XKR6: variants seen among roughly 807,000 people sequenced by gnomAD.
The protein encoded by XKR6 is XK related 6, also known as XK-related protein 6.
XKR6 carries 22 observed loss-of-function variants against 56.7 expected under a neutral mutation model. The observed-to-expected ratio is 0.39, with a 90% CI of 0.28 to 0.55. The LOEUF (loss-of-function observed/expected upper bound fraction) is 0.55. XKR6 is among the 20% of genes least tolerant of loss of function. The pLI is 0.66. For missense variants in XKR6, 852 were observed against 889.0 expected, an observed-to-expected ratio of 0.96 and a Z score of 0.53; for synonymous variants, 524 against 387.8, an observed-to-expected ratio of 1.35 and a Z score of -4.13.
At chr8:11,183,529 C>T (rs1563201709) in intron 1 of XKR6, among the ~76,000 whole-genome samples, 1 of 151,700 alleles carries the variant, frequency 6.6e-6, no homozygotes, top group African/African-American at 2.4e-5. Context: ...CCATGCTGGG[C>T]TCAAGCTGGT....
chr8:10,959,640 C>A (rs1164549131), intron 1 of XKR6, among the ~76,000 whole-genome samples: 1 of 152,140 alleles, frequency 6.6e-6, no homozygotes, highest in African/African-American at 2.4e-5. Flanking sequence ...GAGGCCCCAC[C>A]TTCATGACCT....
intron 1 of XKR6, among the ~76,000 whole-genome samples, chr8:10,978,090 G>A (rs528376661): frequency 1.3e-5 from 2 of 152,016 alleles, no homozygotes; most frequent in Admixed American, 1.3e-4. Context: ...AAAGCAACTG[G>A]CCTCTATTTC....
rs146513858 is a variant in XKR6 at position 11,175,186 on chromosome 8, C to A, written c.764+25390G>T. On this transcript the variant is annotated intron_variant, in intron 1 of 2. Coordinates refer to ENST00000416569, the MANE Select transcript of XKR6 (RefSeq NM_173683.4). Reference sequence around the variant, plus strand: ...GCATATATGAAAAGCCACCAGGTAACTGAAAGATGTCACTTTACAGAAATG... The same window carrying A: ...GCATATATGAAAAGCCACCAGGTAAATGAAAGATGTCACTTTACAGAAATG... 118 of 152,802 alleles carry A rather than the reference C, an allele frequency of 7.7e-4. 1 individual carries two copies. The Middle Eastern group carries it at 0.01, about 13-fold the overall frequency. The allele number at this position is 152,802 out of a possible 1,614,324, so 9.5% of individuals were successfully genotyped here.
At chr8:11,104,910 G>C (rs1417041121) in intron 1 of XKR6, 4 of 152,188 alleles carry the variant, frequency 2.6e-5, no homozygotes, top group East Asian at 1.9e-4. Flanking sequence ...ACTTTTGGAA[G>C]TCTGTTCGAG....
intron 1 of XKR6, among the ~76,000 whole-genome samples, chr8:11,107,171 C>A (rs963083122): frequency 4.6e-5 from 7 of 150,854 alleles, no homozygotes; most frequent in African/African-American, 1.7e-4. Flanking sequence ...CAAAGAAAAG[C>A]AACACGGATA....
chr8:11,197,196 A>C (rs1044614513), intron 1 of XKR6, among the ~76,000 whole-genome samples: 5 of 152,236 alleles, frequency 3.3e-5, no homozygotes, highest in African/African-American at 1.2e-4. Flanking sequence ...AGTTAAGTAA[A>C]TTCCTTTTAC....
intron 1 of XKR6, among the ~76,000 whole-genome samples, chr8:11,008,778 T>C (rs1400282134): frequency 1.3e-5 from 2 of 152,058 alleles, no homozygotes; most frequent in East Asian, 3.9e-4. Flanking sequence ...CCAGGAGCCC[T>C]GATGGAGCCA....
At chr8:11,192,355 T>G (rs1563208743) in intron 1 of XKR6, among the ~76,000 whole-genome samples, 1 of 152,086 alleles carries the variant, frequency 6.6e-6, no homozygotes, top group African/African-American at 2.4e-5. Context: ...GACACCATGT[T>G]AGCCAGGATG....
At chr8:11,035,988 G>C (rs1799133659) in intron 1 of XKR6, among the ~76,000 whole-genome samples, 1 of 137,686 alleles carries the variant, frequency 7.3e-6, no homozygotes, top group Admixed American at 8.7e-5. Context: ...CTGTCACCTA[G>C]GCAGGAGTGC....
intron 1 of XKR6, among the ~76,000 whole-genome samples, chr8:11,088,379 C>T (rs748278744): frequency 3.9e-5 from 6 of 152,338 alleles, no homozygotes; most frequent in African/African-American, 1.2e-4. Flanking sequence ...TTTCAGATCA[C>T]GATGCCAGCA....
At chr8:10,982,809 C>A in intron 1 of XKR6, among the ~76,000 whole-genome samples, 1 of 152,116 alleles carries the variant, frequency 6.6e-6, no homozygotes, top group East Asian at 1.9e-4. Flanking sequence ...GAGTTTGGTA[C>A]AAGGACAAGA....
intron 1 of XKR6, chr8:11,124,524 A>G (rs1318258594): frequency 6.2e-6 from 1 of 161,956 alleles, no homozygotes; most frequent in African/African-American, 2.4e-5. Context: ...AGCTCAACAA[A>G]ATACTGAAAT....
chr8:11,158,650 C>T (rs181463987), intron 1 of XKR6, among the ~76,000 whole-genome samples: 3 of 152,250 alleles, frequency 2.0e-5, no homozygotes, highest in Admixed American at 1.3e-4. Context: ...CAAAACAAAA[C>T]GTTTAAACAC....
At chr8:11,155,656 T>A (rs149990216) in intron 1 of XKR6, among the ~76,000 whole-genome samples, 267 of 152,228 alleles carry the variant, frequency 1.8e-3, no homozygotes, top group African/African-American at 6.2e-3. Flanking sequence ...GTGTAACAGG[T>A]CCTTACAAAG....
In XKR6 at chr8:11,150,623, C is replaced by T. The variant is rs182600578; in HGVS notation, c.764+49953G>A. 5.1e-3 allele frequency among the ~76,000 whole-genome samples: 770 copies of T among 152,070 alleles called. 4 individuals are homozygous for T. Among genetic ancestry groups the T allele is most frequent in the Admixed American group, 0.012 (188 of 15,280 alleles). The stretch of plus-strand genomic sequence containing the variant: ...ATCCCAGCACTTCGGGAGGCCAAGG[C>T]GGGTGGATCACCTGAGGTCAGTAGT... On this transcript the variant is annotated intron_variant, in intron 1 of 2. Coordinates refer to ENST00000416569, the MANE Select transcript of XKR6 (RefSeq NM_173683.4).
chr8:10,972,652 T>G (rs1802441669), intron 1 of XKR6, among the ~76,000 whole-genome samples: 1 of 152,186 alleles, frequency 6.6e-6, no homozygotes, highest in African/African-American at 2.4e-5. Flanking sequence ...TGTGAGCTAT[T>G]CAGAGGAGTC....
rs146351372 is a variant in XKR6 at position 10,916,042 on chromosome 8, G to C, written c.961+8592C>G. 5.5e-3 allele frequency among the ~76,000 whole-genome samples: 840 copies of C among 152,370 alleles called. 9 individuals carry two copies. Among genetic ancestry groups the C allele is most frequent in the African/African-American group, 0.019 (790 of 41,596 alleles). On this transcript the variant is annotated intron_variant, in intron 2 of 2. Transcript: ENST00000416569. ...ATGTGCCGCTGGGGCTGAAAGCCCA[G>C]AGTGTTCCTTGGAGACACCTGACCC...
intron 1 of XKR6, among the ~76,000 whole-genome samples, chr8:11,083,825 A>G (rs1373838432): frequency 6.6e-6 from 1 of 152,194 alleles, no homozygotes; most frequent in Non-Finnish European, 1.5e-5. Flanking sequence ...GAAAGAGAAC[A>G]TGGAACTGTA....
chr8:11,069,495 G>C (rs936980852), intron 1 of XKR6, among the ~76,000 whole-genome samples: 2 of 152,152 alleles, frequency 1.3e-5, no homozygotes. Context: ...TGTGCCCCCT[G>C]TCTGCTCTCC....
Sources: gnomAD v4.1 joint callset for allele counts (sites outside exome capture counted in the v4.1 genomes callset) on GRCh38, gnomAD v4.1.1 for gene constraint, MANE v1.5 for transcripts, NCBI Gene and HGNC (gene_info 2026-07-23, HGNC 2026-07-21) for gene names.